DDX6: variants seen among roughly 807,000 people sequenced by gnomAD.
DDX6 encodes probable ATP-dependent RNA helicase DDX6.
A neutral mutation model predicts 60.6 loss-of-function variants in DDX6; 7 were observed. The ratio of observed to expected loss-of-function variants is 0.12; its 90% CI spans 0.07 to 0.22. DDX6 has a LOEUF of 0.22. Among genes scored for constraint, DDX6 ranks in the 10% least tolerant of loss-of-function variants. The pLI, the probability that DDX6 is intolerant of heterozygous loss-of-function variation, is 1.00. For missense variants in DDX6, 270 were observed against 589.9 expected, an observed-to-expected ratio of 0.46 and a Z score of 5.62; for synonymous variants, 207 against 201.0, an observed-to-expected ratio of 1.03 and a Z score of -0.25.
At chr11:118,755,566 A>G in intron 11 of DDX6, 63 bp from the exon 12 acceptor site, 1 of 886,366 alleles carries the variant, frequency 1.1e-6, no homozygotes, top group Non-Finnish European at 1.8e-6. Context: ...TACAATACTA[A>G]CACATATTTC....
intron 1 of DDX6, chr11:118,787,267 C>G (rs1234980021): frequency 6.6e-6 from 1 of 152,176 alleles, no homozygotes; most frequent in Non-Finnish European, 1.5e-5. Flanking sequence ...GTCAGGAGTT[C>G]AGGATCAGCC....
chr11:118,758,711 T>C, intron 9 of DDX6, 63 bp downstream of exon 9: 1 of 1,580,820 alleles, frequency 6.3e-7, no homozygotes, highest in South Asian at 1.1e-5. Flanking sequence ...GGAAAATTGA[T>C]GAAATCATCT....
chr11:118,787,325 C>CT (rs1301093336), intron 1 of DDX6: 1 of 152,222 alleles, frequency 6.6e-6, no homozygotes, highest in African/African-American at 2.4e-5. Flanking sequence ...CAAAAATTAG[C>CT]CAGGCGTGGT....
At chr11:118,767,577 T>C (rs1861396113) in intron 5 of DDX6, 2 of 151,882 alleles carry the variant, frequency 1.3e-5, no homozygotes, top group African/African-American at 2.4e-5. Context: ...AGTTCCATAG[T>C]TTATAAGTAG....
intron 6 of DDX6, among the ~76,000 whole-genome samples, chr11:118,764,821 T>TACACACACACACACACACACAC (rs59605753): frequency 2.2e-4 from 31 of 139,000 alleles, no homozygotes; most frequent in African/African-American, 8.7e-4. Flanking sequence ...AAAAAAAATA[T>TACACACACACACACACACACAC]ACACACACAC....
At chr11:118,791,264 G>A (rs1217524411), upstream of DDX6, 2 of 152,088 alleles carry the variant, frequency 1.3e-5, no homozygotes, top group Admixed American at 6.6e-5. Context: ...CACTCAAGAT[G>A]GCGAAACCTC....
chr11:118,762,449 G>A (rs1182751462), intron 7 of DDX6, among the ~76,000 whole-genome samples: 6 of 151,802 alleles, frequency 4.0e-5, no homozygotes, highest in Non-Finnish European at 5.9e-5. Context: ...GAACATCATC[G>A]CTCAGCCTAG....
intron 2 of DDX6, 58 bp downstream of exon 2, chr11:118,785,994 A>C (rs544405227): frequency 5.2e-6 from 8 of 1,530,628 alleles, no homozygotes; most frequent in Admixed American, 1.8e-5. Flanking sequence ...TCAACACCAA[A>C]GTAACACAAA....
Position 118,754,894 on chromosome 11 carries a change from AAC to A in DDX6, c.1277-9_1277-8del. On this transcript the variant is annotated splice_region_variant and splice_polypyrimidine_tract_variant and intron_variant, in intron 12 of 13. Coordinates refer to ENST00000534980, the MANE Select transcript of DDX6 (RefSeq NM_004397.6). ...CCAAGATGACCAAAGCGACCTAAAA[AAC>A]ATGCGTTTAAAAATTTTAATGAATA... is the stretch of plus-strand genomic sequence containing the variant. The A allele has an allele frequency of 3.8e-6, 6 of 1,589,804 alleles. No homozygotes were observed. Among genetic ancestry groups the A allele is most frequent in the Non-Finnish European group, 5.1e-6 (6 of 1,173,268 alleles).
intron 11 of DDX6, 72 bp from the exon 12 acceptor site, chr11:118,755,575 TCTAGCATAAC>T: frequency 1.2e-6 from 1 of 817,044 alleles, no homozygotes; most frequent in Non-Finnish European, 2.0e-6. Flanking sequence ...AACACATATT[TCTAGCATAAC>T]CTAAGTTTAT....
rs192645476 is a variant in DDX6, at chr11:118,755,368, C to G, written c.1276+34G>C. The G allele has an allele frequency of 9.4e-6, 13 of 1,383,552 alleles. No homozygotes were observed. The East Asian group carries it at 2.7e-4, about 29-fold the overall frequency. 85.7% of individuals were successfully genotyped at this position (1,383,552 alleles called of 1,614,324 possible). A position where few individuals can be genotyped will look rare whatever the true frequency, so the allele number is the denominator to read the frequency against. On this transcript the variant is annotated intron_variant, in intron 12 of 13. Transcript: ENST00000534980. ...AGTCATTACACGCCTCAAAAAAGAA[C>G]TTCTACCAAGAATATCACCTCTTTT... is the stretch of plus-strand genomic sequence containing the variant.
At chr11:118,772,800 C>T (rs1442461069) in intron 4 of DDX6, among the ~76,000 whole-genome samples, 1 of 152,024 alleles carries the variant, frequency 6.6e-6, no homozygotes, top group Non-Finnish European at 1.5e-5. Flanking sequence ...CTCTAGTATC[C>T]CTTTACTAAG....
At chr11:118,782,646 T>TTC (rs1861937892) in intron 2 of DDX6, among the ~76,000 whole-genome samples, 1 of 26 alleles carries the variant, frequency 0.038, no homozygotes, top group Admixed American at 0.25. Context: ...TACTAAAGCC[T>TTC]TTTTTTTTTT....
rs1042384238 is a variant in DDX6, at chr11:118,754,314, C to T, written c.*7+391G>A. On this transcript the variant is annotated intron_variant, in intron 13 of 13. Transcript: ENST00000534980. ...GGCGTGGTGGCATGTGCCTACAGTTCCAGCTACTCAGGAGCCCAGGAGAAC... is the reference window on the plus strand; with the variant it reads ...GGCGTGGTGGCATGTGCCTACAGTTTCAGCTACTCAGGAGCCCAGGAGAAC... 1.2e-4 allele frequency among the ~76,000 whole-genome samples: 19 copies of T among 152,304 alleles called. No homozygotes were observed. In the South Asian group the frequency reaches 1.9e-3, roughly 15 times the overall value.
chr11:118,781,199 G>A lies in DDX6; in HGVS notation c.201-15C>T. On this transcript the variant is annotated splice_polypyrimidine_tract_variant and intron_variant, in intron 2 of 13. Transcript: ENST00000534980. ...CATCACCAGGTCTAGAGAGAATACA[G>A]TAAACTTGAAGTATCAAAATTCATA... is the stretch of plus-strand genomic sequence containing the variant. 6.4e-7 allele frequency: 1 copy of A among 1,560,298 alleles called. No individual in the cohort carries two copies. The highest frequency in any genetic ancestry group is 8.8e-7 in the Non-Finnish European group (1 of 1,138,906).
chr11:118,766,540 G>A (rs1861360458), intron 5 of DDX6, among the ~76,000 whole-genome samples: 2 of 152,102 alleles, frequency 1.3e-5, no homozygotes, highest in Non-Finnish European at 2.9e-5. Flanking sequence ...ACCTATTATA[G>A]TGTCCCAGAT....
intron 8 of DDX6, chr11:118,759,202 G>A (rs548733628): frequency 3.6e-6 from 1 of 278,576 alleles, no homozygotes; most frequent in East Asian, 9.6e-5. Context: ...TGGGAATGCA[G>A]GCATGCACTG....
intron 5 of DDX6, 144 bp downstream of exon 5, chr11:118,768,078 AG>A: frequency 1.4e-6 from 1 of 739,860 alleles, no homozygotes; most frequent in East Asian, 2.8e-5. Flanking sequence ...GACCATCATC[AG>A]GCTAAAAAAA....
chr11:118,785,999 C>T, intron 2 of DDX6, 53 bp downstream of exon 2: 1 of 1,545,848 alleles, frequency 6.5e-7, no homozygotes, highest in Non-Finnish European at 8.8e-7. Context: ...ACCAAAGTAA[C>T]ACAAATCTTG....
Sources: allele counts gnomAD v4.1 joint callset (sites outside exome capture counted in the v4.1 genomes callset), GRCh38; gene constraint gnomAD v4.1.1; transcripts MANE v1.5; gene names NCBI Gene and HGNC (gene_info 2026-07-23, HGNC 2026-07-21).